The following PXN variants were observed in gnomAD, a reference collection of about 807,000 sequenced individuals.
The protein encoded by PXN is testicular tissue protein Li 134.
In PXN, 61 loss-of-function variants were observed where a neutral mutation model predicts 103.6. The ratio of observed to expected loss-of-function variants is 0.59; its 90% CI spans 0.48 to 0.73. The LOEUF is 0.73. Ranked by LOEUF, PXN falls within the 30% of genes least tolerant of loss-of-function variation. PXN has a pLI of 0.00. For synonymous variants in PXN, 562 were observed against 607.8 expected, an observed-to-expected ratio of 0.92 and a Z score of 1.11; for missense variants, 1,274 against 1,460.3, an observed-to-expected ratio of 0.87 and a Z score of 2.08.
At chr12:120,240,241 A>C (rs1438412122) in intron 1 of PXN, among the ~76,000 whole-genome samples, 3 of 152,192 alleles carry the variant, frequency 2.0e-5, no homozygotes, top group Admixed American at 2.0e-4. Context: ...CATGCATATC[A>C]TTAGTGCCTA....
At position 120,221,505 on chromosome 12, in the gene PXN, CAG is replaced by C; in HGVS notation, c.831+116_831+117del. ...CCAGGGCATGACAGTGTCCCTGGCTCAGGGGCAAGGCACCCAAACACTGAGAT... is the reference window on the plus strand; with the variant it reads ...CCAGGGCATGACAGTGTCCCTGGCTCGGGCAAGGCACCCAAACACTGAGAT... On this transcript the variant is annotated intron_variant, in intron 6 of 14. Coordinates refer to ENST00000637617, the MANE Select transcript of PXN (RefSeq NM_001385981.1). This position sits in a 1 kb window ranked among gnomAD's most constrained non-coding sequence, Gnocchi z 6.6. The C allele has an allele frequency of 8.2e-7, 1 of 1,222,838 alleles. No homozygotes were observed. The highest frequency in any genetic ancestry group is 1.1e-6 in the Non-Finnish European group (1 of 885,470). 75.7% of individuals were successfully genotyped at this position (1,222,838 alleles called of 1,614,324 possible).
Position 120,220,055 on chromosome 12 carries a change from G to A in PXN, c.868C>T (p.Leu290=), listed in dbSNP as rs755365853. ...SSTVALSAPG[L]SSSAPSSYCS... Reference sequence around the variant, plus strand: ...TATGAGGACGGAGCAGAGCTGGACAGCCCCGGGGCACTCAGAGCCACAGTG... The same window carrying A: ...TATGAGGACGGAGCAGAGCTGGACAACCCCGGGGCACTCAGAGCCACAGTG... The change falls in exon 7 of 15, where the codon CTG becomes TTG. Residue 290 remains leucine, a synonymous_variant. Transcript: ENST00000637617. This position sits in a 1 kb window ranked among gnomAD's most constrained non-coding sequence, Gnocchi z 6.1. 2.1e-6 allele frequency: 3 copies of A among 1,426,992 alleles called. No homozygotes were observed. The highest frequency in any genetic ancestry group is 2.8e-6 in the Non-Finnish European group (3 of 1,053,788). 88.4% of individuals were successfully genotyped at this position (1,426,992 alleles called of 1,614,324 possible).
intron 3 of PXN, among the ~76,000 whole-genome samples, 169 bp from the exon 4 acceptor site, chr12:120,223,168 G>A (rs990131255): frequency 4.0e-5 from 6 of 151,420 alleles, no homozygotes; most frequent in Non-Finnish European, 4.4e-5. Flanking sequence ...AGGAGGCCGG[G>A]CACAGTGGCT....
chr12:120,218,042 A>ATCTT (rs1883831507), intron 7 of PXN, among the ~76,000 whole-genome samples: 2 of 99,250 alleles, frequency 2.0e-5, no homozygotes, highest in African/African-American at 7.7e-5. Context: ...AGCTTGGGGG[A>ATCTT]TTTTTTTTTT....
At chr12:120,264,493 CCACCCA>C (rs1469536324) in intron 1 of PXN, among the ~76,000 whole-genome samples, 2 of 152,182 alleles carry the variant, frequency 1.3e-5, no homozygotes, top group African/African-American at 4.8e-5. Context: ...TGCGTTCACG[CCACCCA>C]AGGCATTCCT....
intron 1 of PXN, among the ~76,000 whole-genome samples, chr12:120,256,097 T>G (rs954614201): frequency 6.6e-6 from 1 of 151,504 alleles, no homozygotes; most frequent in Non-Finnish European, 1.5e-5. Context: ...CTGAAGTTAG[T>G]AAAAGCAGAA....
chr12:120,256,999 G>T (rs1166788), intron 1 of PXN, among the ~76,000 whole-genome samples: 2 of 152,156 alleles, frequency 1.3e-5, no homozygotes, highest in Non-Finnish European at 2.9e-5. Context: ...GGGATTACAG[G>T]CATGAGCCAC....
In PXN at chr12:120,215,143, TTGGCGACTG is replaced by T; in HGVS notation, c.2525_2533del (p.Thr842_Ala844del). On this transcript the variant is annotated inframe_deletion, in exon 11 of 15. Coordinates refer to ENST00000637617, the MANE Select transcript of PXN (RefSeq NM_001385981.1). The surrounding 1 kb of genome is among the most constrained non-coding windows in gnomAD (Gnocchi z 4.9). Reference sequence around the variant, plus strand: ...CTTCTTGCAGGCCCCGCAGACTCCTTTGGCGACTGTGGCGACCCCCAGCTTGTTCAGGTC... The same window carrying T: ...CTTCTTGCAGGCCCCGCAGACTCCTTTGGCGACCCCCAGCTTGTTCAGGTC... 1 of 1,572,066 alleles carries T rather than the reference TTGGCGACTG, an allele frequency of 6.4e-7. No homozygotes were observed. Among genetic ancestry groups the T allele is most frequent in the Non-Finnish European group, 8.6e-7 (1 of 1,156,562 alleles).
chr12:120,233,928 C>T (rs1251976590), intron 1 of PXN, among the ~76,000 whole-genome samples: 1 of 152,152 alleles, frequency 6.6e-6, no homozygotes, highest in Admixed American at 6.5e-5. Context: ...ACAAGGATAT[C>T]CATACCCCCA....
At position 120,215,945 on chromosome 12, in the gene PXN, G is replaced by T; in HGVS notation, c.2302-284C>A. ...GAGGCCTCACCGGGCGCTGGGCCTG[G>T]GGGCTGGAAGGGAGGAGACAGGTTT... On this transcript the variant is annotated intron_variant, in intron 9 of 14. Coordinates refer to ENST00000637617, the MANE Select transcript of PXN (RefSeq NM_001385981.1). This position sits in a 1 kb window ranked among gnomAD's most constrained non-coding sequence, Gnocchi z 4.9. 7.2e-7 allele frequency: 1 copy of T among 1,387,116 alleles called. No homozygotes were observed. The highest frequency in any genetic ancestry group is 1.8e-5 in the South Asian group (1 of 55,928). The allele number at this position is 1,387,116 out of a possible 1,614,324, so 85.9% of individuals were successfully genotyped here. A position where few individuals can be genotyped will look rare whatever the true frequency, so the allele number is the denominator to read the frequency against.
Position 120,213,982 on chromosome 12 carries a change from C to T in PXN, c.2839G>A (p.Glu947Lys), listed in dbSNP as rs748158341. 6.2e-6 allele frequency: 10 copies of T among 1,612,094 alleles called. No individual in the cohort carries two copies. Among genetic ancestry groups the T allele is most frequent in the South Asian group, 2.2e-5 (2 of 90,512 alleles). The change falls in exon 14 of 15, where the codon GAG (glutamate) becomes AAG (lysine). Residue 947 changes from glutamate to lysine, a missense_variant. Coordinates refer to ENST00000637617, the MANE Select transcript of PXN (RefSeq NM_001385981.1). This position sits in a 1 kb window ranked among gnomAD's most constrained non-coding sequence, Gnocchi z 4.2. ...GAFFGPEGFH[E>K]KDGKAYCRKD... ...CGACAGTAGGCCTTGCCGTCCTTCT[C>T]GTGGAACCCTGGGGAGCGGGGGTTT... is the stretch of plus-strand genomic sequence containing the variant.
chr12:120,222,425 A>T lies in PXN; in HGVS notation c.695+124T>A, dbSNP rs1435132647. Reference sequence around the variant, plus strand: ...CCATGTGACTCACCACTATCCCCCCAGTGCCTGGCAAATGGCAGACACGGG... The same window carrying T: ...CCATGTGACTCACCACTATCCCCCCTGTGCCTGGCAAATGGCAGACACGGG... On this transcript the variant is annotated intron_variant, in intron 5 of 14. Transcript: ENST00000637617. The surrounding 1 kb of genome is among the most constrained non-coding windows in gnomAD (Gnocchi z 4.7). 9.1e-7 allele frequency: 1 copy of T among 1,099,318 alleles called. No homozygotes were observed. The highest frequency in any genetic ancestry group is 1.3e-6 in the Non-Finnish European group (1 of 783,114). The allele number at this position is 1,099,318 out of a possible 1,614,324, so 68.1% of individuals were successfully genotyped here.
intron 1 of PXN, among the ~76,000 whole-genome samples, chr12:120,233,416 C>T (rs1888439990): frequency 6.6e-6 from 1 of 152,180 alleles, no homozygotes; most frequent in Non-Finnish European, 1.5e-5. Flanking sequence ...AAATGATCCT[C>T]CTGCCTCAGT....
At chr12:120,249,898 T>A in intron 1 of PXN, 1 of 985,514 alleles carries the variant, frequency 1.0e-6, no homozygotes, top group African/African-American at 1.7e-5. Context: ...AGACGCATTG[T>A]GCCTGATGAA....
Position 120,215,228 on chromosome 12 carries a change from GC to G in PXN, c.2448del (p.Pro818ArgfsTer18). The G allele has an allele frequency of 2.5e-6, 4 of 1,591,248 alleles. No homozygotes were observed. The highest frequency in any genetic ancestry group is 3.4e-6 in the Non-Finnish European group (4 of 1,169,334). On this transcript the variant is annotated frameshift_variant, in exon 11 of 15. Coordinates refer to ENST00000637617, the MANE Select transcript of PXN (RefSeq NM_001385981.1). LOFTEE classifies it high-confidence loss of function. The surrounding 1 kb of genome is among the most constrained non-coding windows in gnomAD (Gnocchi z 4.9). Reference protein sequence around the residue: ...GKTGSSSPPGGPPKPGSQLDS... With the variant: ...GKTGSSSPPGXPPKPGSQLDS... ...TCCAGCTGGCTCCCGGGCTTCGGGGGCCCCCCAGGGGGTGAGCTGCTCCCTG... is the reference window on the plus strand; with the variant it reads ...TCCAGCTGGCTCCCGGGCTTCGGGGGCCCCCAGGGGGTGAGCTGCTCCCTG...
chr12:120,257,450 C>G (rs1161265139), intron 1 of PXN, among the ~76,000 whole-genome samples: 1 of 152,216 alleles, frequency 6.6e-6, no homozygotes, highest in Non-Finnish European at 1.5e-5. Context: ...GCCTCGGCAT[C>G]TCTGCACGCT....
At chr12:120,227,737 C>G (rs750591265) in intron 1 of PXN, among the ~76,000 whole-genome samples, 4 of 152,138 alleles carry the variant, frequency 2.6e-5, no homozygotes, top group Non-Finnish European at 5.9e-5. Context: ...CCAAACCCCC[C>G]ACAAACTCCT....
At chr12:120,249,823 T>C (rs1891859393) in intron 1 of PXN, 2 of 978,144 alleles carry the variant, frequency 2.0e-6, no homozygotes, top group Admixed American at 1.2e-4. Flanking sequence ...GAAGAGGCCA[T>C]TTGAGGTGGT....
chr12:120,238,867 G>C (rs1360790523), intron 1 of PXN, among the ~76,000 whole-genome samples: 1 of 152,164 alleles, frequency 6.6e-6, no homozygotes, highest in Non-Finnish European at 1.5e-5. Context: ...TCTGTGCCTA[G>C]CTATGTATGG....
Sources: gnomAD v4.1 joint callset for allele counts (sites outside exome capture counted in the v4.1 genomes callset) on GRCh38, gnomAD v4.1.1 for gene constraint, Gnocchi (gnomAD v3.1) non-coding constraint, MANE v1.5 for transcripts, NCBI Gene and HGNC (gene_info 2026-07-23, HGNC 2026-07-21) for gene names.